Variants in TSEN34 observed in about 807,000 individuals in gnomAD.
TSEN34 encodes the protein tRNA splicing endonuclease subunit 34, also known as tRNA-splicing endonuclease subunit Sen34.
TSEN34 carries 25 observed loss-of-function variants against 30.2 expected under a neutral mutation model. The ratio of observed to expected loss-of-function variants is 0.83; its 90% confidence interval spans 0.60 to 1.16. TSEN34 has a LOEUF of 1.16. Among genes scored for constraint, TSEN34 ranks in the 50% most tolerant of loss-of-function variants. The pLI is 0.00. For missense variants in TSEN34, 475 were observed against 411.9 expected (o/e 1.15, Z -1.33); for synonymous variants, 209 against 177.4 (o/e 1.18, Z -1.41).
At chr19:54,190,194 C>G (rs1600693991), upstream of TSEN34, 1 of 619,012 alleles carries the variant, frequency 1.6e-6, no homozygotes, top group East Asian at 3.2e-5. Context: ...CAAGGTGGCC[C>G]CCGCGGGAGG....
chr19:54,193,265 G>T lies in TSEN34; in HGVS notation c.836G>T (p.Arg279Leu). Residue 279 changes from arginine (R) to leucine (L), a missense_variant, in exon 4 of 4, where the codon CGC (arginine) becomes CTC (leucine). By Grantham distance (102) the Arg-to-Leu change is moderately radical. Transcript: ENST00000396388. ...CTCCAAGACCTGGTTGCTGCTGGGC[G>T]CCTTGGAACCAGCGTCAGAAAGACC... ...IPLQDLVAAG[R>L]LGTSVRKTLL... 6.2e-7 allele frequency: 1 copy of T among 1,614,114 alleles called. No homozygotes were observed. Among genetic ancestry groups the T allele is most frequent in the Non-Finnish European group, 8.5e-7 (1 of 1,180,034 alleles).
upstream of TSEN34, chr19:54,190,434 G>C: frequency 1.4e-6 from 2 of 1,443,588 alleles, no homozygotes; most frequent in Non-Finnish European, 1.8e-6. Flanking sequence ...GAGGCGGACT[G>C]AGCGCTCCCA....
rs2076798637 is a variant in TSEN34 at position 54,193,845 on chromosome 19, T to A, written c.*483T>A. On this transcript the variant is annotated 3_prime_UTR_variant, in exon 4 of 4. Coordinates refer to ENST00000396388, the MANE Select transcript of TSEN34 (RefSeq NM_001077446.4). ...CTCCTAAATCTGCACTCTTTCTACC[T>A]CACTAAACTTCCTTTTGAAAAGATT... The A allele has an allele frequency of 5.1e-6, 3 of 589,446 alleles. No individual in the cohort carries two copies. The South Asian group carries it at 6.4e-5, about 13-fold the overall frequency. 36.5% of individuals were successfully genotyped at this position (589,446 alleles called of 1,614,324 possible).
At chr19:54,190,295 G>T, upstream of TSEN34, 1 of 1,396,228 alleles carries the variant, frequency 7.2e-7, no homozygotes, top group Non-Finnish European at 9.9e-7. Flanking sequence ...GTGTCGGCAT[G>T]AGGGGGTGGA....
At chr19:54,190,344 A>T (rs1034366670), upstream of TSEN34, 1 of 1,527,974 alleles carries the variant, frequency 6.5e-7, no homozygotes, top group African/African-American at 1.4e-5. Context: ...GGGTGGCTCC[A>T]CCTCGACTGC....
At chr19:54,190,689 C>T, upstream of TSEN34, 6 of 1,222,974 alleles carry the variant, frequency 4.9e-6, no homozygotes, top group Admixed American at 2.6e-4. Context: ...CGTCAAATTG[C>T]TGGCGTTCGA....
At chr19:54,190,960 G>A, upstream of TSEN34, 1 of 1,072,150 alleles carries the variant, frequency 9.3e-7, no homozygotes, top group Non-Finnish European at 1.1e-6. Context: ...GCAAGAGGGT[G>A]GTGCCAAAAT....
upstream of TSEN34, chr19:54,191,301 C>G: frequency 2.6e-6 from 4 of 1,546,012 alleles, no homozygotes; most frequent in Non-Finnish European, 3.5e-6. Context: ...TTTGGGTGCG[C>G]TGCAGCGGTC....
chr19:54,191,510 C>A lies in TSEN34; in HGVS notation c.146C>A (p.Pro49Gln). Reference sequence around the variant, plus strand: ...CGCCAGAACTCGCGCCTGGGCCTCCCGCTGCTGCTGATGCCCGAAGAGGCG... The same window carrying A: ...CGCCAGAACTCGCGCCTGGGCCTCCAGCTGCTGCTGATGCCCGAAGAGGCG... The part of the protein sequence containing the change: ...GPRQNSRLGL[P>Q]LLLMPEEARL... The change falls in exon 1 of 4, where the codon CCG becomes CAG. Residue 49 changes from proline to glutamine, a missense_variant. By Grantham distance (76) the Pro-to-Gln change is moderately conservative. Transcript: ENST00000396388. 6.3e-7 allele frequency: 1 copy of A among 1,586,840 alleles called. No individual in the cohort carries two copies. The highest frequency in any genetic ancestry group is 8.5e-7 in the Non-Finnish European group (1 of 1,171,634).
upstream of TSEN34, chr19:54,190,801 GCGAGGAGGTCCGAAAGC>G: frequency 9.1e-7 from 1 of 1,095,370 alleles, no homozygotes; most frequent in Non-Finnish European, 1.1e-6. Flanking sequence ...GAGTCTGAGA[GCGAGGAGGTCCGAAAGC>G]CGAATCACAG....
In TSEN34 at chr19:54,191,827, C is replaced by G. The variant is rs781740024; in HGVS notation, c.350C>G (p.Thr117Arg). 6.2e-7 allele frequency: 1 copy of G among 1,614,100 alleles called. No individual in the cohort carries two copies. Among genetic ancestry groups the G allele is most frequent in the Non-Finnish European group, 8.5e-7 (1 of 1,180,018 alleles). The change falls in exon 2 of 4, where the codon ACG becomes AGG. Residue 117 changes from threonine (T) to arginine (R), a missense_variant. By Grantham distance (71) the Thr-to-Arg change is moderately conservative (BLOSUM62 -1). Transcript: ENST00000396388. The stretch of plus-strand genomic sequence containing the variant: ...CGTCAGGAGCTCCTGGAGAAGATTA[C>G]GGAGGGCCAGGCTGCTAAGAAGCAG... ...TRRQELLEKI[T>R]EGQAAKKQKL...
At chr19:54,192,511 C>G (rs1010120459) in intron 3 of TSEN34, 138 bp downstream of exon 3, 1 of 1,197,214 alleles carries the variant, frequency 8.4e-7, no homozygotes, top group African/African-American at 1.5e-5. Context: ...TTCCTGGGCT[C>G]AAGCAATCCT....
chr19:54,190,593 C>T, upstream of TSEN34: 3 of 1,236,398 alleles, frequency 2.4e-6, no homozygotes, highest in Non-Finnish European at 3.1e-6. Context: ...GCGAGGCTGC[C>T]GGGAGCCGAT....
At position 54,191,439 on chromosome 19, in the gene TSEN34, C is replaced by T. The variant is rs770964740; in HGVS notation, c.75C>T (p.Arg25=). 5 of 1,548,134 alleles carry T rather than the reference C, an allele frequency of 3.2e-6. No individual in the cohort carries two copies. In the Admixed American group the frequency reaches 5.9e-5, roughly 18 times the overall value. The change falls in exon 1 of 4, where the codon CGC becomes CGT. Residue 25 remains arginine (R), a synonymous_variant. Transcript: ENST00000396388. ...GAEAVQALRE[R]LGVGGRTVGA... ...AGGCGGTGCAGGCCCTCCGGGAGCG[C>T]CTGGGTGTGGGGGGCCGCACGGTAG...
rs1221043068 is a variant in TSEN34 at position 54,194,237 on chromosome 19, A to G, written c.*875A>G. 6.6e-6 allele frequency: 1 copy of G among 151,982 alleles called. No individual in the cohort carries two copies. Among genetic ancestry groups the G allele is most frequent in the Non-Finnish European group, 1.5e-5 (1 of 68,034 alleles). 9.4% of individuals were successfully genotyped at this position (151,982 alleles called of 1,614,324 possible). ...TATATATGTGTGTGTATATATATAT[A>G]TATTATGAAAGGAAATGAGTATTGT... On this transcript the variant is annotated 3_prime_UTR_variant, in exon 4 of 4. Coordinates refer to ENST00000396388, the MANE Select transcript of TSEN34 (RefSeq NM_001077446.4).
intron 3 of TSEN34, among the ~76,000 whole-genome samples, 168 bp downstream of exon 3, chr19:54,192,541 G>A (rs1363793460): frequency 6.6e-6 from 1 of 151,468 alleles, no homozygotes; most frequent in Non-Finnish European, 1.5e-5. Flanking sequence ...GCCCCCCAAA[G>A]TGCTGGAATT....
intron 3 of TSEN34, 97 bp downstream of exon 3, chr19:54,192,470 T>A: frequency 6.6e-7 from 1 of 1,508,394 alleles, no homozygotes; most frequent in Non-Finnish European, 9.0e-7. Context: ...TTAATAGAGG[T>A]GGGGTCTCTT....
At chr19:54,190,443 C>T, upstream of TSEN34, 1 of 1,419,794 alleles carries the variant, frequency 7.0e-7, no homozygotes, top group Non-Finnish European at 9.2e-7. Flanking sequence ...TGAGCGCTCC[C>T]AATTGGGGTG....
Position 54,191,323 on chromosome 19 carries a change from G to C in TSEN34, c.-42G>C. The C allele has an allele frequency of 6.5e-7, 1 of 1,547,946 alleles. No homozygotes were observed. The highest frequency in any genetic ancestry group is 1.2e-5 in the South Asian group (1 of 83,962). The stretch of plus-strand genomic sequence containing the variant: ...GCGCTGCAGCGGTCCGCGGCGCGCA[G>C]CTGTTTCGGTAACTGCTTTGCCTCC... On this transcript the variant is annotated 5_prime_UTR_variant, in exon 1 of 4. Coordinates refer to ENST00000396388, the MANE Select transcript of TSEN34 (RefSeq NM_001077446.4).
Sources: gnomAD v4.1 joint callset for allele counts (sites outside exome capture counted in the v4.1 genomes callset) on GRCh38, gnomAD v4.1.1 for gene constraint, MANE v1.5 for transcripts, NCBI Gene and HGNC (gene_info 2026-07-23, HGNC 2026-07-21) for gene names.